PLCB4: variants seen among roughly 807,000 people sequenced by gnomAD.
The protein encoded by PLCB4 is phospholipase C beta 4.
In PLCB4, 77 loss-of-function variants were observed where a neutral mutation model predicts 178.8. That is an observed-to-expected ratio of 0.43 (90% CI 0.36 to 0.52). The LOEUF (loss-of-function observed/expected upper bound fraction) is 0.52, where lower values mean the gene tolerates loss of function less well. PLCB4 is among the 20% of genes least tolerant of loss of function. The probability of loss-of-function intolerance (pLI) is 0.00; values close to 1 mark genes in which losing one functional copy is unlikely to be tolerated. For missense variants in PLCB4, 1,024 were observed against 1,453.4 expected (o/e 0.70, Z 4.80); for synonymous variants, 496 against 490.8 (o/e 1.01, Z -0.14).
rs2040497169 is a variant in PLCB4 at position 9,419,762 on chromosome 20, C to T, written c.2052-45C>T. The T allele has an allele frequency of 2.5e-6, 3 of 1,210,154 alleles. 1 individual carries two copies. The highest frequency in any genetic ancestry group is 4.6e-5 in the East Asian group (2 of 43,102). 75.0% of individuals were successfully genotyped at this position (1,210,154 alleles called of 1,614,324 possible). A position where few individuals can be genotyped will look rare whatever the true frequency, so the allele number is the denominator to read the frequency against. ...TGTTTCAACTAGCGAGTGTTTTAGTCTTTGTAAAACCTACTAATAAACTTC... is the reference window on the plus strand; with the variant it reads ...TGTTTCAACTAGCGAGTGTTTTAGTTTTTGTAAAACCTACTAATAAACTTC... On this transcript the variant is annotated intron_variant, in intron 25 of 39. Transcript: ENST00000378473.
intron 2 of PLCB4, among the ~76,000 whole-genome samples, chr20:9,105,555 T>G (rs2091330667): frequency 6.6e-6 from 1 of 152,088 alleles, no homozygotes; most frequent in Non-Finnish European, 1.5e-5. Flanking sequence ...ACTTGGCATC[T>G]TAGATATTAA....
At chr20:9,402,590 C>T (rs979116227) in intron 20 of PLCB4, among the ~76,000 whole-genome samples, 8 of 152,124 alleles carry the variant, frequency 5.3e-5, no homozygotes, top group African/African-American at 2.4e-5. Flanking sequence ...TAGGAGGAAA[C>T]AGGAGTGGAA....
At chr20:9,092,513 G>C (rs1035308741) in intron 1 of PLCB4, among the ~76,000 whole-genome samples, 1 of 152,116 alleles carries the variant, frequency 6.6e-6, no homozygotes, top group African/African-American at 2.4e-5. Context: ...ATCGCAGTTA[G>C]TTAAAATAGG....
intron 2 of PLCB4, among the ~76,000 whole-genome samples, chr20:9,148,790 A>G (rs558943658): frequency 6.6e-6 from 1 of 152,350 alleles, no homozygotes; most frequent in Admixed American, 6.5e-5. Context: ...TTCGTGATGG[A>G]AATATTTCTG....
intron 2 of PLCB4, among the ~76,000 whole-genome samples, chr20:9,202,727 G>T (rs535779742): frequency 6.6e-6 from 1 of 152,210 alleles, no homozygotes; most frequent in South Asian, 2.1e-4. Context: ...CGAATTTGTA[G>T]ATATATCAGC....
chr20:9,405,895 C>G (rs2039399821), intron 21 of PLCB4, among the ~76,000 whole-genome samples: 1 of 152,190 alleles, frequency 6.6e-6, no homozygotes, highest in African/African-American at 2.4e-5. Context: ...TGCCTAATAA[C>G]TTCATTCTCA....
intron 30 of PLCB4, among the ~76,000 whole-genome samples, chr20:9,442,613 C>T (rs1476842480): frequency 1.3e-5 from 2 of 152,152 alleles, no homozygotes; most frequent in African/African-American, 4.8e-5. Context: ...ACCTTGCATA[C>T]TCCCCAAATC....
intron 4 of PLCB4, among the ~76,000 whole-genome samples, chr20:9,315,660 C>T (rs1056208203): frequency 2.6e-5 from 4 of 152,152 alleles, no homozygotes; most frequent in Non-Finnish European, 4.4e-5. Context: ...TGGCCAGGTG[C>T]GGTGGCTCAC....
intron 3 of PLCB4, among the ~76,000 whole-genome samples, chr20:9,295,725 G>A (rs970219963): frequency 2.6e-5 from 4 of 152,094 alleles, no homozygotes. Flanking sequence ...AGGATCAGAT[G>A]GTTGTAGATA....
At chr20:9,378,197 T>C (rs1384306792) in intron 12 of PLCB4, among the ~76,000 whole-genome samples, 6 of 152,184 alleles carry the variant, frequency 3.9e-5, no homozygotes, top group Non-Finnish European at 8.8e-5. Flanking sequence ...ATTTTTTAAT[T>C]CATATGGATT....
At chr20:9,185,846 A>G (rs939341764) in intron 2 of PLCB4, among the ~76,000 whole-genome samples, 1 of 152,092 alleles carries the variant, frequency 6.6e-6, no homozygotes, top group Admixed American at 6.5e-5. Context: ...ACTCATCCAC[A>G]TGGCTAAATC....
intron 7 of PLCB4, among the ~76,000 whole-genome samples, chr20:9,360,475 CTTT>C (rs71184143): frequency 6.9e-6 from 1 of 144,482 alleles, no homozygotes. Flanking sequence ...AAATTGTCCA[CTTT>C]TTTTTTTTTT....
At position 9,472,848 on chromosome 20, in the gene PLCB4, G is replaced by A; in HGVS notation, c.3408+1G>A. ...AAAGTTTCTGGAAGAAAGAAAGAGA[G>A]TAAGTATTTTATTATATTTTTGGCA... On this transcript the variant is annotated splice_donor_variant, in intron 37 of 39. Coordinates refer to ENST00000378473, the MANE Select transcript of PLCB4 (RefSeq NM_001377142.1). LOFTEE classifies it high-confidence loss of function. The A allele has an allele frequency of 6.4e-7, 1 of 1,558,682 alleles. No homozygotes were observed. The highest frequency in any genetic ancestry group is 8.8e-7 in the Non-Finnish European group (1 of 1,134,638).
chr20:9,244,197 G>T (rs1298646192), intron 3 of PLCB4, among the ~76,000 whole-genome samples: 1 of 152,110 alleles, frequency 6.6e-6, no homozygotes, highest in Non-Finnish European at 1.5e-5. Context: ...CTACTCAGAT[G>T]AACTTTCCCA....
At chr20:9,131,501 A>G (rs1190845969) in intron 2 of PLCB4, among the ~76,000 whole-genome samples, 1 of 152,178 alleles carries the variant, frequency 6.6e-6, no homozygotes, top group East Asian at 1.9e-4. Flanking sequence ...GGTTAAGGGC[A>G]TAGCCTCTGT....
At chr20:9,136,364 C>G (rs528415450) in intron 2 of PLCB4, among the ~76,000 whole-genome samples, 57 of 152,142 alleles carry the variant, frequency 3.7e-4, no homozygotes, top group African/African-American at 1.3e-3. Context: ...AAGCAGATTC[C>G]ACTGTGGGCA....
At chr20:9,356,932 A>G (rs908998726) in intron 7 of PLCB4, among the ~76,000 whole-genome samples, 2 of 152,128 alleles carry the variant, frequency 1.3e-5, no homozygotes, top group African/African-American at 4.8e-5. Context: ...CCTGGGCAAC[A>G]TGGCCAGACC....
intron 4 of PLCB4, among the ~76,000 whole-genome samples, chr20:9,310,279 A>G (rs2094815938): frequency 6.6e-6 from 1 of 152,182 alleles, no homozygotes; most frequent in Non-Finnish European, 1.5e-5. Context: ...GAGAAACAAA[A>G]CCCAAGCATC....
chr20:9,225,438 C>A (rs2093851559), intron 3 of PLCB4, among the ~76,000 whole-genome samples: 1 of 152,122 alleles, frequency 6.6e-6, no homozygotes, highest in African/African-American at 2.4e-5. Context: ...GTTTAAGGGA[C>A]CTGGAAAAGA....
Sources: gnomAD v4.1 joint callset for allele counts (sites outside exome capture counted in the v4.1 genomes callset) on GRCh38, gnomAD v4.1.1 for gene constraint, MANE v1.5 for transcripts, NCBI Gene and HGNC (gene_info 2026-07-23, HGNC 2026-07-21) for gene names.